The following TPP2 variants were observed in gnomAD, a reference collection of about 807,000 sequenced individuals.
The protein encoded by TPP2 is tripeptidyl peptidase 2.
In TPP2, 34 loss-of-function variants were observed where a neutral mutation model predicts 155.9. The ratio of observed to expected loss-of-function variants is 0.22; its 90% CI spans 0.17 to 0.29. The LOEUF is 0.29. Among genes scored for constraint, TPP2 ranks in the 10% least tolerant of loss-of-function variants. TPP2 has a pLI of 1.00. For synonymous variants in TPP2, 510 were observed against 529.4 expected (o/e 0.96, Z 0.50); for missense variants, 1,028 against 1,522.3 (o/e 0.68, Z 5.40).
rs927577179 is a variant in TPP2 at position 102,646,214 on chromosome 13, A to C, written c.2394-80A>C. The C allele has an allele frequency of 1.2e-5, 14 of 1,166,458 alleles. No individual in the cohort carries two copies. The African/African-American group carries it at 2.0e-4, about 17-fold the overall frequency. The allele number at this position is 1,166,458 out of a possible 1,614,324, so 72.3% of individuals were successfully genotyped here. On this transcript the variant is annotated intron_variant, in intron 19 of 29. Coordinates refer to ENST00000376052, the MANE Select transcript of TPP2 (RefSeq NM_001330588.2). ...ATCTGCACTTTTTGCAATATGTTACAGATTTTGTTGCATATGGTTTTATTT... is the reference window on the plus strand; with the variant it reads ...ATCTGCACTTTTTGCAATATGTTACCGATTTTGTTGCATATGGTTTTATTT...
chr13:102,615,075 C>T (rs1004349406), intron 3 of TPP2, among the ~76,000 whole-genome samples: 6 of 152,200 alleles, frequency 3.9e-5, no homozygotes, highest in Middle Eastern at 3.4e-3. Flanking sequence ...TTGCCTCTGT[C>T]GTGTTATTTC....
At chr13:102,608,232 A>C (rs1338649890) in intron 2 of TPP2, among the ~76,000 whole-genome samples, 2 of 152,260 alleles carry the variant, frequency 1.3e-5, no homozygotes, top group Non-Finnish European at 2.9e-5. Context: ...CTTTAACAGT[A>C]CATTAATACA....
chr13:102,647,466 T>C, intron 21 of TPP2, 122 bp downstream of exon 21: 1 of 1,299,238 alleles, frequency 7.7e-7, no homozygotes, highest in South Asian at 1.7e-5. Context: ...GCTTTGTGTT[T>C]AGTACTTTTG....
intron 2 of TPP2, among the ~76,000 whole-genome samples, chr13:102,607,035 A>G (rs1566317733): frequency 6.6e-6 from 1 of 152,188 alleles, no homozygotes; most frequent in African/African-American, 2.4e-5. Flanking sequence ...CTCTCTCTAG[A>G]GCAAGCTCTT....
chr13:102,633,794 A>G (rs1426260687), intron 10 of TPP2, among the ~76,000 whole-genome samples, 156 bp from the exon 11 acceptor site: 6 of 152,186 alleles, frequency 3.9e-5, no homozygotes, highest in Non-Finnish European at 8.8e-5. Context: ...GTTTTCCCCC[A>G]TTGATTCTTC....
intron 29 of TPP2, 101 bp from the exon 30 acceptor site, chr13:102,678,126 A>G (rs1885407793): frequency 8.7e-7 from 1 of 1,147,280 alleles, no homozygotes; most frequent in Non-Finnish European, 1.2e-6. Context: ...TCTATATGCT[A>G]CTACCTTACT....
At chr13:102,651,878 G>C (rs1484686778) in intron 24 of TPP2, among the ~76,000 whole-genome samples, 1 of 152,048 alleles carries the variant, frequency 6.6e-6, no homozygotes. Flanking sequence ...TTCTGGTTCT[G>C]AAAGAAGAGA....
chr13:102,632,781 A>G (rs1437364679), intron 10 of TPP2, among the ~76,000 whole-genome samples: 4 of 152,236 alleles, frequency 2.6e-5, no homozygotes, highest in African/African-American at 9.6e-5. Context: ...TGCAGGTGAC[A>G]TATTGATGAA....
intron 11 of TPP2, among the ~76,000 whole-genome samples, chr13:102,634,450 G>A (rs1882237371): frequency 6.6e-6 from 1 of 152,126 alleles, no homozygotes; most frequent in Non-Finnish European, 1.5e-5. Flanking sequence ...GCATGTTAGA[G>A]GTTAATGGAT....
chr13:102,598,765 G>C (rs1245310085), intron 1 of TPP2, among the ~76,000 whole-genome samples: 2 of 152,074 alleles, frequency 1.3e-5, no homozygotes, highest in African/African-American at 4.8e-5. Context: ...TTTGTTGGTA[G>C]AATTTCCAGA....
intron 6 of TPP2, among the ~76,000 whole-genome samples, chr13:102,624,083 C>A (rs1881374463): frequency 6.6e-6 from 1 of 152,038 alleles, no homozygotes; most frequent in Non-Finnish European, 1.5e-5. Flanking sequence ...GTGTATAAAC[C>A]CCTAATACAT....
intron 11 of TPP2, among the ~76,000 whole-genome samples, chr13:102,634,692 G>A (rs1036373242): frequency 2.6e-5 from 4 of 152,090 alleles, no homozygotes; most frequent in African/African-American, 9.7e-5. Flanking sequence ...CCTCAGCATG[G>A]CCTGTCCACA....
chr13:102,673,502 T>G (rs1030017642), intron 27 of TPP2, among the ~76,000 whole-genome samples: 1 of 152,154 alleles, frequency 6.6e-6, no homozygotes, highest in Admixed American at 6.5e-5. Context: ...AGGTGGTGGT[T>G]GTATTTCATT....
chr13:102,679,673 A>G lies in TPP2; in HGVS notation c.*1357A>G, dbSNP rs571687943. On this transcript the variant is annotated 3_prime_UTR_variant, in exon 30 of 30. Coordinates refer to ENST00000376052, the MANE Select transcript of TPP2 (RefSeq NM_001330588.2). ...AAGTCTATCCATGAAAGCTACATGC[A>G]TGTTCTCTCTCACACACTCATGGAC... is the stretch of plus-strand genomic sequence containing the variant. 1.3e-5 allele frequency: 2 copies of G among 152,232 alleles called. No homozygotes were observed. Among genetic ancestry groups the G allele is most frequent in the Non-Finnish European group, 2.9e-5 (2 of 68,042 alleles). 9.4% of individuals were successfully genotyped at this position (152,232 alleles called of 1,614,324 possible).
intron 10 of TPP2, among the ~76,000 whole-genome samples, chr13:102,631,883 A>T (rs534239698): frequency 7.2e-4 from 109 of 152,384 alleles, no homozygotes; most frequent in African/African-American, 2.5e-3. Flanking sequence ...CTGCATCAGC[A>T]TTGACTGAGA....
chr13:102,619,288 C>A (rs1376437524), intron 5 of TPP2, among the ~76,000 whole-genome samples: 1 of 152,124 alleles, frequency 6.6e-6, no homozygotes, highest in African/African-American at 2.4e-5. Context: ...CCATCATGTA[C>A]GTTTTTTAGT....
At chr13:102,607,762 T>G (rs1368794088) in intron 2 of TPP2, 2 of 369,314 alleles carry the variant, frequency 5.4e-6, no homozygotes, top group South Asian at 1.9e-5. Context: ...AATTTTTTTG[T>G]GTGTTTTTAG....
At chr13:102,643,873 G>A (rs1451528010) in intron 17 of TPP2, among the ~76,000 whole-genome samples, 2 of 152,194 alleles carry the variant, frequency 1.3e-5, no homozygotes, top group South Asian at 2.1e-4. Context: ...GAAGGTGAAA[G>A]TACTGATGTT....
chr13:102,663,520 A>G, intron 25 of TPP2, 128 bp from the exon 26 acceptor site: 1 of 623,922 alleles, frequency 1.6e-6, no homozygotes, highest in Non-Finnish European at 2.6e-6. Context: ...GTCAATGACT[A>G]TACTTGTATT....
Sources: allele counts gnomAD v4.1 joint callset (sites outside exome capture counted in the v4.1 genomes callset), GRCh38; gene constraint gnomAD v4.1.1; transcripts MANE v1.5; gene names NCBI Gene and HGNC (gene_info 2026-07-23, HGNC 2026-07-21).